Variants in NLGN1 observed in about 807,000 individuals in gnomAD.
The protein encoded by NLGN1 is neuroligin-1.
NLGN1 carries 12 observed loss-of-function variants against 65.5 expected under a neutral mutation model. The observed-to-expected ratio is 0.18, with a 90% CI of 0.12 to 0.30. NLGN1 has a LOEUF of 0.30. Ranked by LOEUF, NLGN1 falls within the 10% of genes least tolerant of loss-of-function variation. NLGN1 has a pLI of 1.00. For missense variants in NLGN1, 750 were observed against 1,007.1 expected (o/e 0.74, Z 3.46); for synonymous variants, 350 against 359.5 (o/e 0.97, Z 0.30).
the NLGN1 span, among the ~76,000 whole-genome samples, chr3:174,292,247 G>A: frequency 2.0e-5 from 3 of 151,286 alleles, no homozygotes; most frequent in Non-Finnish European, 4.5e-5. Flanking sequence ...CATCCTTAAG[G>A]ACCAGATTGT....
chr3:173,436,637 G>A (rs559009056), intron 2 of NLGN1, among the ~76,000 whole-genome samples: 3 of 152,264 alleles, frequency 2.0e-5, no homozygotes, highest in African/African-American at 7.2e-5. Context: ...CTTGTTGTAT[G>A]CCTTGAGAAG....
chr3:173,629,341 C>A (rs1181157296), intron 3 of NLGN1, among the ~76,000 whole-genome samples: 1 of 152,028 alleles, frequency 6.6e-6, no homozygotes, highest in African/African-American at 2.4e-5. Flanking sequence ...GTATTGGAAA[C>A]TCGGGCTCAA....
chr3:173,601,444 A>G (rs1750531864), intron 2 of NLGN1, among the ~76,000 whole-genome samples: 1 of 152,024 alleles, frequency 6.6e-6, no homozygotes. Flanking sequence ...GTTACTATGT[A>G]TTTATGTATT....
intron 4 of NLGN1, among the ~76,000 whole-genome samples, chr3:174,129,354 AACACACACAC>A (rs61122760): frequency 0.053 from 6,203 of 116,808 alleles, 342 homozygotes; most frequent in African/African-American, 0.15. Context: ...CCCGGTTTAC[AACACACACAC>A]ACACACACAC....
At chr3:173,905,488 C>T (rs952077463) in intron 4 of NLGN1, among the ~76,000 whole-genome samples, 1 of 152,198 alleles carries the variant, frequency 6.6e-6, no homozygotes, top group African/African-American at 2.4e-5. Flanking sequence ...TAATGGCATG[C>T]ATTCCTGACA....
chr3:174,208,301 A>G (rs1449711867), intron 4 of NLGN1, among the ~76,000 whole-genome samples: 1 of 152,204 alleles, frequency 6.6e-6, no homozygotes, highest in Non-Finnish European at 1.5e-5. Context: ...CGATGTACCA[A>G]ATCTGCAAAG....
chr3:173,526,669 C>T lies in NLGN1; in HGVS notation c.-320-77610C>T, dbSNP rs912469729. On this transcript the variant is annotated intron_variant, in intron 2 of 6. Coordinates refer to ENST00000457714, the Ensembl canonical transcript of NLGN1. The stretch of plus-strand genomic sequence containing the variant: ...TAAAGTATTTTTGACTGTTGTCACC[C>T]GCTATGTTAGAAAATATTAGGTCTT... 1.2e-3 allele frequency among the ~76,000 whole-genome samples: 184 copies of T among 152,194 alleles called. 1 individual carries two copies. Among genetic ancestry groups the T allele is most frequent in the African/African-American group, 4.0e-3 (165 of 41,542 alleles).
intron 4 of NLGN1, among the ~76,000 whole-genome samples, chr3:174,271,653 T>TAAAC (rs1280088314): frequency 1.3e-5 from 2 of 151,768 alleles, no homozygotes; most frequent in African/African-American, 4.8e-5. Flanking sequence ...CCAGATCAGG[T>TAAAC]AAACAGAAAA....
intron 4 of NLGN1, among the ~76,000 whole-genome samples, chr3:173,990,210 A>G (rs1176981986): frequency 6.6e-6 from 1 of 152,166 alleles, no homozygotes; most frequent in Non-Finnish European, 1.5e-5. Context: ...GAGGATCTTC[A>G]TGTAAAACCA....
chr3:173,484,245 A>G (rs767599110), intron 2 of NLGN1, among the ~76,000 whole-genome samples: 33 of 152,142 alleles, frequency 2.2e-4, no homozygotes, highest in Non-Finnish European at 4.4e-4. Flanking sequence ...ACCTATATTG[A>G]AAAATACATG....
At chr3:173,573,886 A>AC (rs1745050328) in intron 2 of NLGN1, among the ~76,000 whole-genome samples, 1 of 151,510 alleles carries the variant, frequency 6.6e-6, no homozygotes. Flanking sequence ...ACACGCTGAA[A>AC]CCCCGTCTCT....
intron 4 of NLGN1, among the ~76,000 whole-genome samples, chr3:174,201,458 T>C (rs562361493): frequency 1.4e-4 from 21 of 152,158 alleles, no homozygotes; most frequent in Non-Finnish European, 2.9e-4. Flanking sequence ...TAATGTCCTA[T>C]TTACTTAGAG....
In NLGN1 at chr3:173,501,789, T is replaced by G. The variant is rs978943327; in HGVS notation, c.-321+66711T>G. Among the ~76,000 whole-genome samples the G allele has an allele frequency of 1.3e-5, 2 of 151,958 alleles. 1 individual carries two copies. The highest frequency in any genetic ancestry group is 4.8e-5 in the African/African-American group (2 of 41,418). ...CATCTCATAGTGTAAAGAATAGATA[T>G]AGATAGAAGATTTTTATCAAAAGGA... On this transcript the variant is annotated intron_variant, in intron 2 of 6. Coordinates refer to ENST00000457714, the Ensembl canonical transcript of NLGN1.
rs11388898 is a variant in NLGN1, at chr3:173,660,363, A to ATT, written c.493+55281_493+55282dup. On this transcript the variant is annotated intron_variant, in intron 3 of 6. Coordinates refer to ENST00000457714, the Ensembl canonical transcript of NLGN1. ...AATGGACCAATCATCTCCTTATTTT[A>ATT]TTTTTTTTTTCAAATAAAAAACATA... Among the ~76,000 whole-genome samples the ATT allele has an allele frequency of 6.9e-3, 1,035 of 149,874 alleles. 13 individuals carry two copies. Among genetic ancestry groups the ATT allele is most frequent in the African/African-American group, 0.023 (941 of 40,988 alleles).
chr3:173,897,035 A>T (rs999419253), intron 4 of NLGN1, among the ~76,000 whole-genome samples: 2 of 152,328 alleles, frequency 1.3e-5, no homozygotes, highest in Admixed American at 6.5e-5. Flanking sequence ...GGGTCCCAAA[A>T]GGTGTTCTTT....
At chr3:173,947,182 C>G (rs1747348115) in intron 4 of NLGN1, among the ~76,000 whole-genome samples, 1 of 151,856 alleles carries the variant, frequency 6.6e-6, no homozygotes, top group Non-Finnish European at 1.5e-5. Flanking sequence ...GCCACCACGC[C>G]TGGCTAATTT....
chr3:173,552,860 A>C (rs1741106812), intron 2 of NLGN1, among the ~76,000 whole-genome samples: 1 of 152,216 alleles, frequency 6.6e-6, no homozygotes, highest in African/African-American at 2.4e-5. Flanking sequence ...TATAACACAC[A>C]GTAGTGTGGA....
At chr3:174,117,088 T>C (rs898699879) in intron 4 of NLGN1, among the ~76,000 whole-genome samples, 2 of 152,120 alleles carry the variant, frequency 1.3e-5, no homozygotes, top group Non-Finnish European at 2.9e-5. Flanking sequence ...TAAAAAAGGT[T>C]AAATGCCTTC....
At chr3:174,161,584 T>G (rs1018997389) in intron 4 of NLGN1, among the ~76,000 whole-genome samples, 2 of 151,830 alleles carry the variant, frequency 1.3e-5, no homozygotes, top group Non-Finnish European at 2.9e-5. Flanking sequence ...TCCGACTGAC[T>G]AAAATTAGGG....
Sources: allele counts gnomAD v4.1 joint callset (sites outside exome capture counted in the v4.1 genomes callset), GRCh38; gene constraint gnomAD v4.1.1; transcripts MANE v1.5; gene names NCBI Gene and HGNC (gene_info 2026-07-23, HGNC 2026-07-21).